Variants in BMPR1A observed in about 807,000 individuals in gnomAD.
BMPR1A encodes bone morphogenetic protein receptor type 1A.
BMPR1A carries 7 observed loss-of-function variants against 66.0 expected under a neutral mutation model. The ratio of observed to expected loss-of-function variants is 0.11; its 90% CI spans 0.06 to 0.20. The LOEUF (loss-of-function observed/expected upper bound fraction) is 0.20, where lower values mean the gene tolerates loss of function less well. Among genes scored for constraint, BMPR1A ranks in the 10% least tolerant of loss-of-function variants. The pLI, the probability that BMPR1A is intolerant of heterozygous loss-of-function variation, is 1.00. For missense variants in BMPR1A, 408 were observed against 669.1 expected (o/e 0.61, Z 4.31); for synonymous variants, 200 against 229.7 (o/e 0.87, Z 1.17).
In BMPR1A at chr10:86,917,462, G is replaced by A. The variant is rs542350162; in HGVS notation, c.868+136G>A. On this transcript the variant is annotated intron_variant, in intron 9 of 12. Coordinates refer to ENST00000372037, the MANE Select transcript of BMPR1A (RefSeq NM_004329.3). ...CTAAAGGAAACCTAGTAGAATACACGGTTTGAATAAAACATAGTCCGGAAT... is the reference window on the plus strand; with the variant it reads ...CTAAAGGAAACCTAGTAGAATACACAGTTTGAATAAAACATAGTCCGGAAT... 2.2e-4 allele frequency: 231 copies of A among 1,070,124 alleles called. 4 individuals are homozygous for A. In the South Asian group the frequency reaches 2.9e-3, roughly 13 times the overall value. 66.3% of individuals were successfully genotyped at this position (1,070,124 alleles called of 1,614,324 possible). A position where few individuals can be genotyped will look rare whatever the true frequency, so the allele number is the denominator to read the frequency against.
intron 11 of BMPR1A, among the ~76,000 whole-genome samples, 181 bp from the exon 12 acceptor site, chr10:86,923,195 A>C (rs559797563): frequency 7.2e-5 from 11 of 152,340 alleles, no homozygotes; most frequent in Admixed American, 6.5e-4. Context: ...AGGTAGAGGA[A>C]ATAGTTGGAC....
At chr10:86,794,882 G>A (rs971444160) in intron 1 of BMPR1A, among the ~76,000 whole-genome samples, 7 of 149,610 alleles carry the variant, frequency 4.7e-5, no homozygotes, top group Non-Finnish European at 7.4e-5. Flanking sequence ...AGAGAGTTTC[G>A]CTCTTGTTTC....
At chr10:86,879,520 G>A (rs1412859316) in intron 3 of BMPR1A, among the ~76,000 whole-genome samples, 2 of 152,206 alleles carry the variant, frequency 1.3e-5, no homozygotes, top group African/African-American at 4.8e-5. Flanking sequence ...CATGCCTGTT[G>A]CCAGCAAGGG....
intron 2 of BMPR1A, chr10:86,855,391 T>A (rs1204112539): frequency 1.2e-6 from 1 of 813,644 alleles, no homozygotes; most frequent in African/African-American, 1.7e-5. Flanking sequence ...AGAAACTTGG[T>A]TTGATTTGGC....
intron 1 of BMPR1A, among the ~76,000 whole-genome samples, chr10:86,807,347 A>AT (rs202034509): frequency 0.017 from 2,531 of 151,898 alleles, 75 homozygotes; most frequent in African/African-American, 0.058. Flanking sequence ...TAATTTATGG[A>AT]TTTGTGTATT....
chr10:86,906,232 T>G (rs2133498255), intron 7 of BMPR1A, among the ~76,000 whole-genome samples: 1 of 152,308 alleles, frequency 6.6e-6, no homozygotes, highest in Non-Finnish European at 1.5e-5. Flanking sequence ...TTTGATGTAT[T>G]ATATGTAATT....
chr10:86,779,528 T>C (rs1841403700), intron 1 of BMPR1A, among the ~76,000 whole-genome samples: 1 of 152,204 alleles, frequency 6.6e-6, no homozygotes, highest in Non-Finnish European at 1.5e-5. Flanking sequence ...GCCATTCTTT[T>C]TGATAATAGC....
chr10:86,858,523 C>CAT (rs997790704), intron 2 of BMPR1A, among the ~76,000 whole-genome samples: 4 of 152,050 alleles, frequency 2.6e-5, no homozygotes, highest in Non-Finnish European at 5.9e-5. Context: ...TTGCCACGAT[C>CAT]ATATATATAT....
At chr10:86,804,394 C>T (rs760119057) in intron 1 of BMPR1A, among the ~76,000 whole-genome samples, 5 of 152,082 alleles carry the variant, frequency 3.3e-5, no homozygotes, top group Non-Finnish European at 7.4e-5. Flanking sequence ...CACCCACCAC[C>T]ACACCCGGCT....
intron 1 of BMPR1A, among the ~76,000 whole-genome samples, chr10:86,758,240 C>CT (rs1179509553): frequency 6.6e-6 from 1 of 152,182 alleles, no homozygotes; most frequent in Non-Finnish European, 1.5e-5. Context: ...GTGGAGCCCA[C>CT]TTTAAACTTT....
At chr10:86,923,295 G>A (rs1346141750) in intron 11 of BMPR1A, 81 bp from the exon 12 acceptor site, 1 of 1,581,274 alleles carries the variant, frequency 6.3e-7, no homozygotes, top group Admixed American at 1.7e-5. Context: ...TAGTTCCATA[G>A]TTTAGCAAAA....
chr10:86,918,930 T>A (rs1843615995), intron 9 of BMPR1A, among the ~76,000 whole-genome samples: 1 of 152,180 alleles, frequency 6.6e-6, no homozygotes, highest in Admixed American at 6.5e-5. Flanking sequence ...ATGATCTTTT[T>A]CTTAATCCTA....
chr10:86,858,937 T>A (rs1191900483), intron 2 of BMPR1A, among the ~76,000 whole-genome samples: 1 of 152,108 alleles, frequency 6.6e-6, no homozygotes, highest in African/African-American at 2.4e-5. Flanking sequence ...AAAATTAATA[T>A]AGGACCATAA....
At chr10:86,810,381 C>T (rs1025363198) in intron 1 of BMPR1A, among the ~76,000 whole-genome samples, 1 of 152,156 alleles carries the variant, frequency 6.6e-6, no homozygotes, top group African/African-American at 2.4e-5. Context: ...GATAATGCTG[C>T]TATGAGCATA....
At position 86,816,272 on chromosome 10, in the gene BMPR1A, A is replaced by T. The variant is rs376351824; in HGVS notation, c.-267-22593A>T. 6.6e-5 allele frequency among the ~76,000 whole-genome samples: 10 copies of T among 152,362 alleles called. No homozygotes were observed. In the East Asian group the frequency reaches 1.3e-3, roughly 21 times the overall value. ...AATATCTTAATAATTTTTATATTAC[A>T]TATTAACATCTTGTATTCATTGGGT... is the stretch of plus-strand genomic sequence containing the variant. On this transcript the variant is annotated intron_variant, in intron 1 of 12. Transcript: ENST00000372037.
At chr10:86,786,413 C>T (rs1018340578) in intron 1 of BMPR1A, among the ~76,000 whole-genome samples, 9 of 152,118 alleles carry the variant, frequency 5.9e-5, no homozygotes, top group Non-Finnish European at 1.3e-4. Context: ...GTTTCTTGCA[C>T]TGCTCTTGCG....
intron 1 of BMPR1A, among the ~76,000 whole-genome samples, chr10:86,785,506 A>G (rs563365820): frequency 4.3e-4 from 65 of 152,188 alleles, no homozygotes; most frequent in African/African-American, 6.3e-4. Context: ...GGTTTCTCCA[A>G]TTTGGTCAGG....
intron 2 of BMPR1A, among the ~76,000 whole-genome samples, chr10:86,847,935 CTTTTT>C (rs757764095): frequency 7.0e-6 from 1 of 142,796 alleles, no homozygotes; most frequent in Non-Finnish European, 1.5e-5. Context: ...GAAAATGATA[CTTTTT>C]TTTTTTTTTG....
intron 1 of BMPR1A, among the ~76,000 whole-genome samples, chr10:86,800,332 G>A (rs1047347907): frequency 6.6e-6 from 1 of 152,148 alleles, no homozygotes; most frequent in East Asian, 1.9e-4. Context: ...AGTGAGCCGA[G>A]GGGGGAGTGA....
Sources: allele counts gnomAD v4.1 joint callset (sites outside exome capture counted in the v4.1 genomes callset), GRCh38; gene constraint gnomAD v4.1.1; transcripts MANE v1.5; gene names NCBI Gene and HGNC (gene_info 2026-07-23, HGNC 2026-07-21).